The following NXPE2 variants were observed in gnomAD, a reference collection of about 807,000 sequenced individuals.
NXPE2 encodes the protein NXPE family member 2.
NXPE2 carries 34 observed loss-of-function variants against 34.4 expected under a neutral mutation model. That is an observed-to-expected ratio of 0.99 (90% CI 0.75 to 1.31). The LOEUF (loss-of-function observed/expected upper bound fraction) is 1.31. Ranked by LOEUF, NXPE2 falls within the 40% of genes most tolerant of loss-of-function variation. The probability of loss-of-function intolerance (pLI) is 0.00; values close to 1 mark genes in which losing one functional copy is unlikely to be tolerated. For synonymous variants in NXPE2, 235 were observed against 231.3 expected, an observed-to-expected ratio of 1.02 and a Z score of -0.15; for missense variants, 649 against 672.5, an observed-to-expected ratio of 0.97 and a Z score of 0.39.
the NXPE2 span, among the ~76,000 whole-genome samples, chr11:114,791,037 G>A: frequency 1.8e-4 from 27 of 151,930 alleles, no homozygotes; most frequent in African/African-American, 6.5e-4. Context: ...AGAGGAGATG[G>A]AGGTGGCAGA....
intron 2 of NXPE2, among the ~76,000 whole-genome samples, chr11:114,696,670 G>T (rs1951264560): frequency 6.6e-6 from 1 of 152,088 alleles, no homozygotes; most frequent in South Asian, 2.1e-4. Context: ...AAAAAGAAAA[G>T]GAAAAATTCA....
the NXPE2 span, among the ~76,000 whole-genome samples, chr11:114,473,037 T>G: frequency 6.6e-6 from 1 of 152,202 alleles, no homozygotes; most frequent in Admixed American, 6.5e-5. Context: ...TTACTATAAC[T>G]GAATAATAAC....
the NXPE2 span, among the ~76,000 whole-genome samples, chr11:114,788,452 TG>T: frequency 6.6e-6 from 1 of 152,152 alleles, no homozygotes; most frequent in Non-Finnish European, 1.5e-5. Flanking sequence ...ACATCATCTC[TG>T]GGGAGACGGC....
the NXPE2 span, among the ~76,000 whole-genome samples, chr11:114,631,716 T>C: frequency 6.6e-6 from 1 of 151,630 alleles, no homozygotes; most frequent in Admixed American, 6.6e-5. Context: ...TGTTACCCGG[T>C]GGGTAATAAG....
the NXPE2 span, among the ~76,000 whole-genome samples, chr11:114,780,345 G>T: frequency 6.6e-6 from 1 of 152,206 alleles, no homozygotes; most frequent in Non-Finnish European, 1.5e-5. Flanking sequence ...TGCCTGTGTG[G>T]CCTGCAAACA....
the NXPE2 span, among the ~76,000 whole-genome samples, chr11:114,585,086 C>G: frequency 6.6e-6 from 1 of 151,986 alleles, no homozygotes; most frequent in Non-Finnish European, 1.5e-5. Flanking sequence ...CTTTTCAGCT[C>G]CTAAGTAACA....
At chr11:114,611,228 G>C in the NXPE2 span, among the ~76,000 whole-genome samples, 1 of 151,254 alleles carries the variant, frequency 6.6e-6, no homozygotes, top group Non-Finnish European at 1.5e-5. Context: ...GGTAACCACT[G>C]TTATCCAGTC....
the NXPE2 span, among the ~76,000 whole-genome samples, chr11:114,749,417 A>T: frequency 6.6e-6 from 1 of 152,146 alleles, no homozygotes; most frequent in East Asian, 1.9e-4. Flanking sequence ...CAAATCCCTT[A>T]TATAAAATGG....
the NXPE2 span, among the ~76,000 whole-genome samples, chr11:114,558,220 A>G: frequency 3.5e-3 from 526 of 152,274 alleles, 1 homozygote; most frequent in Non-Finnish European, 5.6e-3. Flanking sequence ...GTGTGTATAT[A>G]TATATCCATA....
the NXPE2 span, among the ~76,000 whole-genome samples, chr11:114,559,101 G>A: frequency 6.6e-6 from 1 of 152,154 alleles, no homozygotes; most frequent in African/African-American, 2.4e-5. Context: ...ACATTTTTAT[G>A]TAAATTAAAA....
At chr11:114,521,954 A>C in the NXPE2 span, 3 of 1,571,040 alleles carry the variant, frequency 1.9e-6, no homozygotes, top group Non-Finnish European at 2.6e-6. Context: ...GTGATTTTGT[A>C]TAGTATTTAT....
At chr11:114,714,614 G>A in the NXPE2 span, among the ~76,000 whole-genome samples, 4 of 152,206 alleles carry the variant, frequency 2.6e-5, no homozygotes, top group South Asian at 2.1e-4. Context: ...GCAGTTTTCT[G>A]TTGGCTTCAT....
At chr11:114,657,336 G>A in the NXPE2 span, among the ~76,000 whole-genome samples, 2 of 152,072 alleles carry the variant, frequency 1.3e-5, no homozygotes, top group Non-Finnish European at 2.9e-5. Context: ...GAACTTAGGT[G>A]GGAAAAAGAT....
intron 2 of NXPE2, among the ~76,000 whole-genome samples, chr11:114,697,198 G>GGGCTT (rs2135558203): frequency 6.6e-6 from 1 of 152,266 alleles, no homozygotes; most frequent in South Asian, 2.1e-4. Context: ...AAGGGCTCAA[G>GGGCTT]ATGAGATCAT....
the NXPE2 span, among the ~76,000 whole-genome samples, chr11:114,722,439 C>T: frequency 6.6e-6 from 1 of 151,754 alleles, no homozygotes; most frequent in African/African-American, 2.4e-5. Flanking sequence ...AATAAATTAC[C>T]CAGTCTCAGG....
chr11:114,710,627 T>C (rs573255499), downstream of NXPE2, among the ~76,000 whole-genome samples: 3 of 151,740 alleles, frequency 2.0e-5, no homozygotes, highest in East Asian at 5.8e-4. Context: ...ACGACAACAA[T>C]AAAAAGCCTA....
At chr11:114,485,355 C>T in the NXPE2 span, among the ~76,000 whole-genome samples, 1 of 148,812 alleles carries the variant, frequency 6.7e-6, no homozygotes, top group Non-Finnish European at 1.5e-5. Context: ...ATTGCAGGTG[C>T]CTACCATCAC....
the NXPE2 span, among the ~76,000 whole-genome samples, chr11:114,614,966 GTATT>G: frequency 6.7e-6 from 1 of 150,170 alleles, no homozygotes; most frequent in Non-Finnish European, 1.5e-5. Context: ...TGGTGGATAA[GTATT>G]GCCTCGTGAG....
At chr11:114,617,253 C>T in the NXPE2 span, among the ~76,000 whole-genome samples, 14 of 151,926 alleles carry the variant, frequency 9.2e-5, no homozygotes, top group South Asian at 2.7e-3. Flanking sequence ...ACCACTGTTA[C>T]CTGGTGGATG....
Sources: allele counts gnomAD v4.1 joint callset (sites outside exome capture counted in the v4.1 genomes callset), GRCh38; gene constraint gnomAD v4.1.1; transcripts MANE v1.5; gene names NCBI Gene and HGNC (gene_info 2026-07-23, HGNC 2026-07-21).